Variants in RAB3C observed in about 807,000 individuals in gnomAD.
The protein encoded by RAB3C is RAB3C, member RAS oncogene family.
A neutral mutation model predicts 26.4 loss-of-function variants in RAB3C; 17 were observed. The ratio of observed to expected loss-of-function variants is 0.64; its 90% confidence interval spans 0.44 to 0.97. The LOEUF is 0.97. Among genes scored for constraint, RAB3C ranks in the 50% least tolerant of loss-of-function variants. The probability of loss-of-function intolerance (pLI) is 0.00; values close to 1 mark genes in which losing one functional copy is unlikely to be tolerated. For missense variants in RAB3C, 242 were observed against 281.9 expected, an observed-to-expected ratio of 0.86 and a Z score of 1.01; for synonymous variants, 91 against 95.9, an observed-to-expected ratio of 0.95 and a Z score of 0.30.
chr5:58,802,382 T>C (rs1579926348), intron 3 of RAB3C, among the ~76,000 whole-genome samples: 1 of 152,298 alleles, frequency 6.6e-6, no homozygotes, highest in East Asian at 1.9e-4. Flanking sequence ...AATGCATTTA[T>C]AGTGCAGTGA....
In RAB3C at chr5:58,857,988, C is replaced by T. The variant is rs1243889713; in HGVS notation, c.*6637C>T. Reference sequence around the variant, plus strand: ...CATTCATTTTAATATTGTACTTTGCCTTTTCATTCAGTTAGTGGAGTAAGT... The same window carrying T: ...CATTCATTTTAATATTGTACTTTGCTTTTTCATTCAGTTAGTGGAGTAAGT... On this transcript the variant is annotated 3_prime_UTR_variant, in exon 5 of 5. Transcript: ENST00000282878. The T allele has an allele frequency of 1.3e-5, 2 of 152,116 alleles. No individual in the cohort carries two copies. Among genetic ancestry groups the T allele is most frequent in the Admixed American group, 6.5e-5 (1 of 15,270 alleles). The allele number at this position is 152,116 out of a possible 1,614,324, so 9.4% of individuals were successfully genotyped here. A position where few individuals can be genotyped will look rare whatever the true frequency, so the allele number is the denominator to read the frequency against.
chr5:58,744,853 C>T (rs995597452), intron 3 of RAB3C, among the ~76,000 whole-genome samples: 16 of 152,138 alleles, frequency 1.1e-4, no homozygotes, highest in Non-Finnish European at 1.6e-4. Context: ...GGTTTTTCCA[C>T]GGCAATCACT....
chr5:58,833,082 T>C (rs551995285), intron 4 of RAB3C, among the ~76,000 whole-genome samples: 2 of 152,294 alleles, frequency 1.3e-5, no homozygotes, highest in South Asian at 4.1e-4. Context: ...CATTATATAA[T>C]TTATGAAATA....
intron 3 of RAB3C, among the ~76,000 whole-genome samples, chr5:58,775,924 A>T (rs1742129124): frequency 6.6e-6 from 1 of 152,068 alleles, no homozygotes; most frequent in Non-Finnish European, 1.5e-5. Flanking sequence ...AGGTTTTGAC[A>T]TTCTATTGCT....
intron 3 of RAB3C, among the ~76,000 whole-genome samples, chr5:58,778,758 A>G (rs1742204973): frequency 6.6e-6 from 1 of 152,082 alleles, no homozygotes; most frequent in Non-Finnish European, 1.5e-5. Flanking sequence ...TGCCTATGTA[A>G]ATGAGTCCCA....
At chr5:58,760,383 T>A (rs908866191) in intron 3 of RAB3C, among the ~76,000 whole-genome samples, 11 of 152,194 alleles carry the variant, frequency 7.2e-5, no homozygotes, top group Non-Finnish European at 1.6e-4. Flanking sequence ...ATGATTTGGA[T>A]GCATCAGATT....
chr5:58,688,801 T>C (rs1358802610), intron 2 of RAB3C, among the ~76,000 whole-genome samples: 7 of 152,198 alleles, frequency 4.6e-5, no homozygotes, highest in African/African-American at 1.7e-4. Context: ...ACCTTAATAC[T>C]ACTTAGAAAA....
chr5:58,794,287 CA>C (rs1161497790), intron 3 of RAB3C: 1 of 133,486 alleles, frequency 7.5e-6, no homozygotes, highest in Non-Finnish European at 1.6e-5. Context: ...TGTGGTTCTT[CA>C]GACAGAATTT....
intron 3 of RAB3C, among the ~76,000 whole-genome samples, chr5:58,769,098 C>T (rs374877969): frequency 2.6e-5 from 4 of 151,426 alleles, no homozygotes; most frequent in African/African-American, 9.7e-5. Flanking sequence ...CAAGAAGAAC[C>T]GAGGATGGCC....
chr5:58,617,705 C>T lies in RAB3C; in HGVS notation c.87C>T (p.Tyr29=). The change falls in exon 2 of 5, where the codon TAC becomes TAT. Residue 29 remains tyrosine, a synonymous_variant. Transcript: ENST00000282878. Reference sequence around the variant, plus strand: ...ACTCCTCTGATCAGAACTTTGACTACATGTTCAAATTACTCATCATCGGCA... The same window carrying T: ...ACTCCTCTGATCAGAACTTTGACTATATGTTCAAATTACTCATCATCGGCA... ...QKDSSDQNFD[Y]MFKLLIIGNS... 6.2e-7 allele frequency: 1 copy of T among 1,613,996 alleles called. No homozygotes were observed. The highest frequency in any genetic ancestry group is 8.5e-7 in the Non-Finnish European group (1 of 1,179,904).
rs748888316 is a variant in RAB3C at position 58,833,291 on chromosome 5, G to C, written c.496+8129G>C. ...CCTGGCTGTACATTCGAACCACCTA[G>C]GTAGCATTTTAAAAACCATGGCACG... is the stretch of plus-strand genomic sequence containing the variant. On this transcript the variant is annotated intron_variant, in intron 4 of 4. Transcript: ENST00000282878. 5.2e-4 allele frequency among the ~76,000 whole-genome samples: 77 copies of C among 148,064 alleles called. 1 individual carries two copies. Among genetic ancestry groups the C allele is most frequent in the South Asian group, 2.2e-3 (10 of 4,648 alleles).
At chr5:58,837,260 C>T (rs572067712) in intron 4 of RAB3C, among the ~76,000 whole-genome samples, 5 of 149,966 alleles carry the variant, frequency 3.3e-5, no homozygotes, top group Admixed American at 3.3e-4. Flanking sequence ...CGGCTCACTG[C>T]AGCCTCTGCC....
At chr5:58,748,136 A>G (rs778738172) in intron 3 of RAB3C, among the ~76,000 whole-genome samples, 1 of 152,070 alleles carries the variant, frequency 6.6e-6, no homozygotes, top group African/African-American at 2.4e-5. Flanking sequence ...AAATGAAAGA[A>G]TTCTTAAAAG....
chr5:58,768,897 G>T (rs1741965857), intron 3 of RAB3C, among the ~76,000 whole-genome samples: 2 of 152,150 alleles, frequency 1.3e-5, no homozygotes, highest in Non-Finnish European at 2.9e-5. Context: ...CACTCCCACT[G>T]CTATGTGGAG....
intron 2 of RAB3C, among the ~76,000 whole-genome samples, chr5:58,668,138 A>G (rs1376336427): frequency 6.6e-6 from 1 of 152,152 alleles, no homozygotes; most frequent in East Asian, 1.9e-4. Flanking sequence ...ATTATATTCT[A>G]GTGGTCTGGA....
At chr5:58,769,923 A>G in intron 3 of RAB3C, among the ~76,000 whole-genome samples, 1 of 152,210 alleles carries the variant, frequency 6.6e-6, no homozygotes, top group East Asian at 1.9e-4. Flanking sequence ...TTAAAATCAC[A>G]TTCCATGGGA....
At chr5:58,805,212 T>TA (rs1159516625) in intron 3 of RAB3C, among the ~76,000 whole-genome samples, 1 of 151,996 alleles carries the variant, frequency 6.6e-6, no homozygotes, top group Non-Finnish European at 1.5e-5. Context: ...CTCAGAAATT[T>TA]AAAAAAATAC....
chr5:58,693,049 G>A (rs1449209049), intron 2 of RAB3C, among the ~76,000 whole-genome samples: 1 of 151,488 alleles, frequency 6.6e-6, no homozygotes, highest in Non-Finnish European at 1.5e-5. Flanking sequence ...AGAGGTTGCA[G>A]TGAGCCTAGA....
At chr5:58,676,400 G>A (rs1269734890) in intron 2 of RAB3C, among the ~76,000 whole-genome samples, 1 of 152,102 alleles carries the variant, frequency 6.6e-6, no homozygotes, top group Non-Finnish European at 1.5e-5. Context: ...CTATTTGGGA[G>A]GCTGAGGCAG....
Sources: gnomAD v4.1 joint callset for allele counts (sites outside exome capture counted in the v4.1 genomes callset) on GRCh38, gnomAD v4.1.1 for gene constraint, MANE v1.5 for transcripts, NCBI Gene and HGNC (gene_info 2026-07-23, HGNC 2026-07-21) for gene names.